The following KLHL29 variants were observed in gnomAD, a reference collection of about 807,000 sequenced individuals.
KLHL29 encodes the protein kelch-like protein 29.
Under a neutral mutation model 80.4 loss-of-function variants are expected in KLHL29, and 21 were observed. The ratio of observed to expected loss-of-function variants is 0.26; its 90% CI spans 0.19 to 0.38. The LOEUF (loss-of-function observed/expected upper bound fraction) is 0.38, where lower values mean the gene tolerates loss of function less well. Ranked by LOEUF, KLHL29 falls within the 10% of genes least tolerant of loss-of-function variation. The pLI is 1.00. For missense variants in KLHL29, 867 were observed against 1,223.9 expected (o/e 0.71, Z 4.35); for synonymous variants, 511 against 526.8 (o/e 0.97, Z 0.41).
At chr2:23,414,480 G>T (rs746906177) in intron 1 of KLHL29, among the ~76,000 whole-genome samples, 5 of 152,372 alleles carry the variant, frequency 3.3e-5, no homozygotes, top group African/African-American at 1.2e-4. Flanking sequence ...GGGGAAGCAG[G>T]TGTGGAGTGG....
At chr2:23,547,957 TG>T (rs1305283212) in intron 2 of KLHL29, among the ~76,000 whole-genome samples, 4 of 152,188 alleles carry the variant, frequency 2.6e-5, no homozygotes, top group Non-Finnish European at 5.9e-5. Context: ...GCTATGCCAC[TG>T]GGAAAAGAGA....
intron 3 of KLHL29, among the ~76,000 whole-genome samples, chr2:23,568,917 A>T (rs779592104): frequency 2.0e-5 from 3 of 152,214 alleles, no homozygotes; most frequent in Admixed American, 2.0e-4. Flanking sequence ...GGACCCACGT[A>T]CATCTATCTA....
intron 1 of KLHL29, among the ~76,000 whole-genome samples, chr2:23,449,186 T>C (rs1377824481): frequency 6.6e-6 from 1 of 152,084 alleles, no homozygotes; most frequent in Non-Finnish European, 1.5e-5. Flanking sequence ...GTCTTCTCCA[T>C]ATTCTGTTTC....
intron 2 of KLHL29, among the ~76,000 whole-genome samples, chr2:23,513,272 T>C (rs1480858247): frequency 6.6e-6 from 1 of 152,214 alleles, no homozygotes; most frequent in Non-Finnish European, 1.5e-5. Flanking sequence ...TTAAACAATC[T>C]TATAGAAATC....
chr2:23,531,171 A>G (rs1166702426), intron 2 of KLHL29, among the ~76,000 whole-genome samples: 1 of 152,248 alleles, frequency 6.6e-6, no homozygotes, highest in Non-Finnish European at 1.5e-5. Flanking sequence ...TCACCTGTAC[A>G]GACAAGTTTC....
chr2:23,605,424 A>G (rs542525367), intron 3 of KLHL29, among the ~76,000 whole-genome samples: 1 of 152,018 alleles, frequency 6.6e-6, no homozygotes, highest in East Asian at 1.9e-4. Flanking sequence ...AGCGACTTCC[A>G]CGCGGCTCTT....
At position 23,647,187 on chromosome 2, in the gene KLHL29, C is replaced by T. The variant is rs919810220; in HGVS notation, c.940+4337C>T. On this transcript the variant is annotated intron_variant, in intron 5 of 13. Transcript: ENST00000486442. This position sits in a 1 kb window ranked among gnomAD's most constrained non-coding sequence, Gnocchi z 4.9. ...TTTCTGTCAGGAGGACTCAGGATGG[C>T]TCTCCCCAGGTGTGAGGCCTGGCAC... 6.6e-6 allele frequency among the ~76,000 whole-genome samples: 1 copy of T among 152,194 alleles called. No individual in the cohort carries two copies. Among genetic ancestry groups the T allele is most frequent in the South Asian group, 2.1e-4 (1 of 4,832 alleles).
chr2:23,656,257 G>A (rs1364874587), intron 5 of KLHL29, among the ~76,000 whole-genome samples: 1 of 152,216 alleles, frequency 6.6e-6, no homozygotes, highest in Non-Finnish European at 1.5e-5. Flanking sequence ...CCAGCTTTGA[G>A]GAGGCCATGC....
chr2:23,494,236 A>C (rs1665189635), intron 2 of KLHL29, among the ~76,000 whole-genome samples: 1 of 152,218 alleles, frequency 6.6e-6, no homozygotes, highest in Non-Finnish European at 1.5e-5. Flanking sequence ...AAATTTATTC[A>C]GGGGCATTGA....
chr2:23,544,968 T>C (rs1175444697), intron 2 of KLHL29, among the ~76,000 whole-genome samples: 6 of 152,154 alleles, frequency 3.9e-5, no homozygotes, highest in Admixed American at 3.9e-4. Flanking sequence ...AGAGATGATC[T>C]GGCTTGTGTT....
At chr2:23,511,619 G>C (rs1188999111) in intron 2 of KLHL29, among the ~76,000 whole-genome samples, 2 of 152,246 alleles carry the variant, frequency 1.3e-5, no homozygotes, top group Admixed American at 6.5e-5. Flanking sequence ...TCAGCGTTGA[G>C]AGTATCTTTG....
At chr2:23,397,707 G>A (rs994987465) in intron 1 of KLHL29, among the ~76,000 whole-genome samples, 2 of 152,226 alleles carry the variant, frequency 1.3e-5, no homozygotes, top group African/African-American at 4.8e-5. Flanking sequence ...CGGCAGTGAG[G>A]AGGGTGGGGC....
At chr2:23,526,127 T>TGAG (rs1158364981) in intron 2 of KLHL29, among the ~76,000 whole-genome samples, 6 of 152,062 alleles carry the variant, frequency 3.9e-5, no homozygotes. Context: ...GATCCCATCG[T>TGAG]GAGGAGTGTT....
At position 23,452,711 on chromosome 2, in the gene KLHL29, G is replaced by A. The variant is rs191064633; in HGVS notation, c.-153-22849G>A. On this transcript the variant is annotated intron_variant, in intron 1 of 13. Coordinates refer to ENST00000486442, the MANE Select transcript of KLHL29 (RefSeq NM_052920.2). ...CTCTTATATACTGATATACAGCAGT[G>A]CATTTACATTGTTAACTGTAAAAAT... is the stretch of plus-strand genomic sequence containing the variant. Among the ~76,000 whole-genome samples the A allele has an allele frequency of 3.5e-3, 537 of 152,264 alleles. 1 individual carries two copies. The highest frequency in any genetic ancestry group is 9.5e-3 in the Admixed American group (145 of 15,288).
chr2:23,631,913 C>T (rs2149150328), intron 3 of KLHL29, among the ~76,000 whole-genome samples: 1 of 152,302 alleles, frequency 6.6e-6, no homozygotes, highest in African/African-American at 2.4e-5. Flanking sequence ...CCCTCAGTCC[C>T]CACGCACAGG....
At chr2:23,425,222 T>C (rs1345679276) in intron 1 of KLHL29, among the ~76,000 whole-genome samples, 1 of 152,170 alleles carries the variant, frequency 6.6e-6, no homozygotes, top group Non-Finnish European at 1.5e-5. Context: ...ATAAAATGAT[T>C]TTTTTTAATT....
chr2:23,434,320 CAAA>C (rs34991893), intron 1 of KLHL29, among the ~76,000 whole-genome samples: 6 of 54,910 alleles, frequency 1.1e-4, no homozygotes, highest in African/African-American at 4.0e-4. Context: ...GACTCCGTCT[CAAA>C]AAAAAAAAAA....
At chr2:23,543,602 A>C (rs985986420) in intron 2 of KLHL29, among the ~76,000 whole-genome samples, 3 of 152,160 alleles carry the variant, frequency 2.0e-5, no homozygotes, top group Non-Finnish European at 2.9e-5. Context: ...GTTTCATTAG[A>C]CCTTCCAGAT....
intron 2 of KLHL29, among the ~76,000 whole-genome samples, chr2:23,482,937 G>A (rs775963267): frequency 2.0e-5 from 3 of 151,952 alleles, no homozygotes; most frequent in African/African-American, 7.3e-5. Flanking sequence ...TCAGACTTTC[G>A]CCCTGCCTGC....
Sources: gnomAD v4.1 joint callset for allele counts (sites outside exome capture counted in the v4.1 genomes callset) on GRCh38, gnomAD v4.1.1 for gene constraint, Gnocchi (gnomAD v3.1) non-coding constraint, MANE v1.5 for transcripts, NCBI Gene and HGNC (gene_info 2026-07-23, HGNC 2026-07-21) for gene names.